The following PIGU variants were observed in gnomAD, a reference collection of about 807,000 sequenced individuals.
The protein encoded by PIGU is GPI-anchor transamidase component PIGU.
In PIGU, 24 loss-of-function variants were observed where a neutral mutation model predicts 49.9. The ratio of observed to expected loss-of-function variants is 0.48; its 90% CI spans 0.35 to 0.68. The LOEUF is 0.68. PIGU is among the 30% of genes least tolerant of loss of function. The pLI, the probability that PIGU is intolerant of heterozygous loss-of-function variation, is 0.01. For missense variants in PIGU, 490 were observed against 532.6 expected, an observed-to-expected ratio of 0.92 and a Z score of 0.79; for synonymous variants, 220 against 205.7, an observed-to-expected ratio of 1.07 and a Z score of -0.59.
At chr20:34,592,458 C>T (rs1049718257) in intron 7 of PIGU, among the ~76,000 whole-genome samples, 3 of 145,936 alleles carry the variant, frequency 2.1e-5, no homozygotes, top group Non-Finnish European at 4.5e-5. Flanking sequence ...AAAAGAGAGA[C>T]GAACAAATAA....
At chr20:34,596,592 G>T (rs1984209223) in intron 7 of PIGU, among the ~76,000 whole-genome samples, 1 of 151,976 alleles carries the variant, frequency 6.6e-6, no homozygotes, top group African/African-American at 2.4e-5. Flanking sequence ...TTTTAAAAAT[G>T]GAGATAAAAC....
At chr20:34,628,006 T>C (rs567083781) in intron 6 of PIGU, among the ~76,000 whole-genome samples, 12 of 152,046 alleles carry the variant, frequency 7.9e-5, no homozygotes, top group Non-Finnish European at 1.5e-4. Context: ...AGAGAAACAA[T>C]CTCTTATAAA....
intron 9 of PIGU, among the ~76,000 whole-genome samples, chr20:34,581,997 C>T (rs749853410): frequency 6.6e-6 from 1 of 152,196 alleles, no homozygotes; most frequent in Admixed American, 6.5e-5. Context: ...CAAATGAAGT[C>T]AGCATTCTTT....
rs1211001348 is a variant in PIGU, at chr20:34,671,310, G to A, written c.130+5646C>T. 3.3e-5 allele frequency among the ~76,000 whole-genome samples: 5 copies of A among 151,902 alleles called. No homozygotes were observed. In the East Asian group the frequency reaches 9.7e-4, roughly 30 times the overall value. ...CGGAGTTTTGCTCGTTGCCCAGGCT[G>A]GAGTGCAATGGCGCGATCTCGGCTC... On this transcript the variant is annotated intron_variant, in intron 1 of 11. Transcript: ENST00000217446.
intron 8 of PIGU, among the ~76,000 whole-genome samples, chr20:34,587,898 G>A (rs1259762221): frequency 6.6e-6 from 1 of 152,062 alleles, no homozygotes; most frequent in Admixed American, 6.6e-5. Flanking sequence ...TTTGTTTGTT[G>A]ATGGACATTT....
chr20:34,667,452 C>A (rs1052486621), intron 1 of PIGU, among the ~76,000 whole-genome samples: 3 of 151,300 alleles, frequency 2.0e-5, no homozygotes, highest in Non-Finnish European at 2.9e-5. Context: ...TCTTATAGTT[C>A]TAGAATGTAA....
rs183145765 is a variant in PIGU, at chr20:34,626,484, G to A, written c.529+8131C>T. Among the ~76,000 whole-genome samples, 25 of 152,076 alleles carry A rather than the reference G, an allele frequency of 1.6e-4. No homozygotes were observed. The East Asian group carries it at 4.6e-3, about 28-fold the overall frequency. On this transcript the variant is annotated intron_variant, in intron 6 of 11. Transcript: ENST00000217446. ...CGCCCTGCTAATTTTTGTATTTTTAGTAGAGACAGGGTCTCACCATGTTGG... is the reference window on the plus strand; with the variant it reads ...CGCCCTGCTAATTTTTGTATTTTTAATAGAGACAGGGTCTCACCATGTTGG...
intron 1 of PIGU, among the ~76,000 whole-genome samples, chr20:34,658,754 C>G (rs954158532): frequency 2.0e-5 from 3 of 149,076 alleles, no homozygotes; most frequent in Admixed American, 2.0e-4. Flanking sequence ...CCCCTCCGCC[C>G]GGCAGCCGCC....
chr20:34,596,147 C>T (rs960343741), intron 7 of PIGU, among the ~76,000 whole-genome samples: 4 of 152,206 alleles, frequency 2.6e-5, no homozygotes, highest in Admixed American at 6.5e-5. Flanking sequence ...ATGAACCCCT[C>T]GGTACAGTGC....
chr20:34,583,163 C>T (rs1008038593), intron 9 of PIGU, among the ~76,000 whole-genome samples: 4 of 152,222 alleles, frequency 2.6e-5, no homozygotes, highest in African/African-American at 4.8e-5. Flanking sequence ...GCCTCAGAAA[C>T]GCAGCTTGGC....
chr20:34,596,880 T>C (rs528207605), intron 7 of PIGU, among the ~76,000 whole-genome samples: 2 of 152,308 alleles, frequency 1.3e-5, no homozygotes, highest in East Asian at 3.9e-4. Flanking sequence ...AGATATCTTA[T>C]TAGTCAAATA....
chr20:34,644,851 G>A (rs925758935), intron 3 of PIGU, among the ~76,000 whole-genome samples: 6 of 152,106 alleles, frequency 3.9e-5, no homozygotes, highest in African/African-American at 1.2e-4. Flanking sequence ...GAATCTCAGA[G>A]CTAGAAAATT....
At chr20:34,667,590 T>C (rs1248322811) in intron 1 of PIGU, among the ~76,000 whole-genome samples, 3 of 151,684 alleles carry the variant, frequency 2.0e-5, no homozygotes, top group African/African-American at 7.3e-5. Flanking sequence ...GTATACAGAG[T>C]CCAGAGTATA....
chr20:34,601,428 TA>T (rs1020871495), intron 7 of PIGU, among the ~76,000 whole-genome samples: 1 of 152,140 alleles, frequency 6.6e-6, no homozygotes, highest in Non-Finnish European at 1.5e-5. Flanking sequence ...CTAAAATTCC[TA>T]AAAAAGAAAC....
chr20:34,629,501 G>C (rs903887523), intron 6 of PIGU, among the ~76,000 whole-genome samples: 5 of 152,176 alleles, frequency 3.3e-5, no homozygotes, highest in Non-Finnish European at 5.9e-5. Flanking sequence ...GCCCAACCTA[G>C]ATTAGCCAAC....
At chr20:34,601,576 G>C (rs530039069) in intron 7 of PIGU, among the ~76,000 whole-genome samples, 1 of 152,244 alleles carries the variant, frequency 6.6e-6, no homozygotes, top group Admixed American at 6.5e-5. Context: ...AGAACACCCA[G>C]GGCATACAGC....
Position 34,616,085 on chromosome 20 carries a change from T to C in PIGU, c.584A>G (p.Tyr195Cys). ...TCCTGGGACAAACAAGGTGAGTGGGTACAGAGACTGGTATGTCGCTAAGGC... is the reference window on the plus strand; with the variant it reads ...TCCTGGGACAAACAAGGTGAGTGGGCACAGAGACTGGTATGTCGCTAAGGC... ...FLALATYQSL[Y>C]PLTLFVPGLL... The change falls in exon 7 of 12, where the codon TAC (tyrosine) becomes TGC (cysteine). Residue 195 changes from tyrosine to cysteine, a missense_variant. Coordinates refer to ENST00000217446, the MANE Select transcript of PIGU (RefSeq NM_080476.5). The C allele has an allele frequency of 5.0e-6, 8 of 1,613,216 alleles. No homozygotes were observed. The highest frequency in any genetic ancestry group is 5.9e-6 in the Non-Finnish European group (7 of 1,179,684).
At position 34,571,902 on chromosome 20, in the gene PIGU, C is replaced by T. The variant is rs118187693; in HGVS notation, c.1194+3202G>A. ...TGCCTCGAGTGACTGCCTCAGTGAG[C>T]AAGTGGCCCCATCTGATGCACCCTG... is the stretch of plus-strand genomic sequence containing the variant. On this transcript the variant is annotated intron_variant, in intron 11 of 11. Coordinates refer to ENST00000217446, the MANE Select transcript of PIGU (RefSeq NM_080476.5). Among the ~76,000 whole-genome samples, 279 of 152,316 alleles carry T rather than the reference C, an allele frequency of 1.8e-3. 6 individuals are homozygous for T. The East Asian group carries it at 0.044, about 24-fold the overall frequency.
At chr20:34,572,172 TTATTTATTTAC>T (rs1983040245) in intron 11 of PIGU, among the ~76,000 whole-genome samples, 1 of 152,100 alleles carries the variant, frequency 6.6e-6, no homozygotes, top group Non-Finnish European at 1.5e-5. Context: ...CTCTTCCATT[TTATTTATTTAC>T]TATTTATTAT....
Sources: allele counts gnomAD v4.1 joint callset (sites outside exome capture counted in the v4.1 genomes callset), GRCh38; gene constraint gnomAD v4.1.1; transcripts MANE v1.5; gene names NCBI Gene and HGNC (gene_info 2026-07-23, HGNC 2026-07-21).